The following TACC1 variants were observed in gnomAD, a reference collection of about 807,000 sequenced individuals.
TACC1 encodes transforming acidic coiled-coil-containing protein 1.
TACC1 carries 48 observed loss-of-function variants against 84.4 expected under a neutral mutation model. The ratio of observed to expected loss-of-function variants is 0.57; its 90% CI spans 0.45 to 0.72. The LOEUF is 0.72. Among genes scored for constraint, TACC1 ranks in the 30% least tolerant of loss-of-function variants. The pLI, the probability that TACC1 is intolerant of heterozygous loss-of-function variation, is 0.00. For synonymous variants in TACC1, 372 were observed against 376.3 expected (o/e 0.99, Z 0.13); for missense variants, 920 against 973.0 (o/e 0.95, Z 0.72).
intron 3 of TACC1, among the ~76,000 whole-genome samples, chr8:38,767,381 G>C (rs547792640): frequency 4.2e-4 from 64 of 152,324 alleles, no homozygotes; most frequent in African/African-American, 1.5e-3. Flanking sequence ...CATAGTAATG[G>C]CACTTGGGAC....
intron 3 of TACC1, among the ~76,000 whole-genome samples, chr8:38,747,078 C>T (rs1327117857): frequency 2.0e-5 from 3 of 152,118 alleles, no homozygotes; most frequent in Non-Finnish European, 4.4e-5. Context: ...AGAAGATACA[C>T]AGATGCCAAA....
intron 2 of TACC1, among the ~76,000 whole-genome samples, chr8:38,791,621 G>A (rs1047026399): frequency 6.6e-6 from 1 of 152,180 alleles, no homozygotes; most frequent in Non-Finnish European, 1.5e-5. Context: ...TTTAATTTCT[G>A]GGACTGGATA....
chr8:38,757,400 C>A, intron 3 of TACC1: 2 of 1,252,120 alleles, frequency 1.6e-6, no homozygotes, highest in South Asian at 1.3e-5. Flanking sequence ...CCGAGACCCA[C>A]GGAGACCGCG....
rs775870393 is a variant in TACC1, at chr8:38,819,595, T to C, written c.351T>C (p.Pro117=). 3 of 1,614,214 alleles carry C rather than the reference T, an allele frequency of 1.9e-6. No individual in the cohort carries two copies. Among genetic ancestry groups the C allele is most frequent in the Admixed American group, 1.7e-5 (1 of 60,028 alleles). Residue 117 remains proline (P), a synonymous_variant, in exon 3 of 13, where the codon CCT becomes CCC. Transcript: ENST00000317827. ...GTTCATCTAAGACTTGTTCTAAACCTTCAGAAAATGAAGTGCCACAGCAGG... is the reference window on the plus strand; with the variant it reads ...GTTCATCTAAGACTTGTTCTAAACCCTCAGAAAATGAAGTGCCACAGCAGG... ...EKCSSKTCSK[P]SENEVPQQAI...
intron 3 of TACC1, among the ~76,000 whole-genome samples, chr8:38,758,875 A>G (rs745969656): frequency 6.6e-6 from 1 of 152,094 alleles, no homozygotes; most frequent in Non-Finnish European, 1.5e-5. Flanking sequence ...TCACACAGCT[A>G]GAAAGTGGTG....
At chr8:38,846,501 G>T in intron 11 of TACC1, 198 bp from the exon 12 acceptor site, 1 of 505,914 alleles carries the variant, frequency 2.0e-6, no homozygotes, top group Non-Finnish European at 3.3e-6. Context: ...TACAAATTTT[G>T]AAGTTGTCTG....
At chr8:38,740,964 G>A (rs544883473) in intron 1 of TACC1, among the ~76,000 whole-genome samples, 3 of 152,092 alleles carry the variant, frequency 2.0e-5, no homozygotes, top group Non-Finnish European at 2.9e-5. Context: ...TCTCTGGCTC[G>A]CGAGTATCCT....
intron 3 of TACC1, among the ~76,000 whole-genome samples, chr8:38,765,781 C>T (rs963047010): frequency 6.6e-6 from 1 of 151,766 alleles, no homozygotes; most frequent in Non-Finnish European, 1.5e-5. Context: ...GGACATATGC[C>T]GAAAAGTCAA....
chr8:38,804,345 G>A (rs1822140860), intron 2 of TACC1, among the ~76,000 whole-genome samples: 1 of 152,014 alleles, frequency 6.6e-6, no homozygotes, highest in African/African-American at 2.4e-5. Flanking sequence ...TGTCACCCAG[G>A]CTGAGTTCAG....
At chr8:38,741,304 C>T (rs60784427) in intron 1 of TACC1, among the ~76,000 whole-genome samples, 30 of 152,080 alleles carry the variant, frequency 2.0e-4, no homozygotes, top group African/African-American at 7.0e-4. Context: ...TACAGGCACC[C>T]GCCACCATGC....
At chr8:38,820,679 T>G in intron 3 of TACC1, 44 bp downstream of exon 3, 2 of 1,559,378 alleles carry the variant, frequency 1.3e-6, no homozygotes, top group Admixed American at 3.6e-5. Flanking sequence ...GTGTCTTGTC[T>G]GTTGAGTTTG....
At chr8:38,836,610 G>A (rs1830287313) in intron 7 of TACC1, among the ~76,000 whole-genome samples, 1 of 152,162 alleles carries the variant, frequency 6.6e-6, no homozygotes, top group South Asian at 2.1e-4. Flanking sequence ...TTATTTTACA[G>A]AGGATATATG....
At chr8:38,787,086 T>G, upstream of TACC1, 6 of 954,660 alleles carry the variant, frequency 6.3e-6, no homozygotes, top group Non-Finnish European at 7.5e-6. Flanking sequence ...GACGCCGCGG[T>G]AGGGGGATCC....
At chr8:38,793,492 C>T (rs1328980701) in intron 2 of TACC1, among the ~76,000 whole-genome samples, 1 of 151,894 alleles carries the variant, frequency 6.6e-6, no homozygotes, top group Non-Finnish European at 1.5e-5. Context: ...TTACTAAAAA[C>T]CATTGCATCA....
chr8:38,735,759 A>G (rs1415985882), intron 1 of TACC1, among the ~76,000 whole-genome samples: 1 of 152,118 alleles, frequency 6.6e-6, no homozygotes, highest in Non-Finnish European at 1.5e-5. Flanking sequence ...CCTCAAGTCA[A>G]AGAGAGAGTG....
chr8:38,783,621 A>C (rs532721204), upstream of TACC1, among the ~76,000 whole-genome samples: 1 of 152,070 alleles, frequency 6.6e-6, no homozygotes, highest in Non-Finnish European at 1.5e-5. Context: ...GAGTTTCACC[A>C]TGTTGGCCAG....
chr8:38,776,153 C>T (rs570042451), intron 3 of TACC1, among the ~76,000 whole-genome samples: 48 of 152,298 alleles, frequency 3.2e-4, no homozygotes, highest in African/African-American at 1.1e-3. Context: ...TAACCTTCAT[C>T]AATATGTAAA....
rs887281060 is a variant in TACC1 at position 38,787,501 on chromosome 8, G to A, written c.-82G>A. The stretch of plus-strand genomic sequence containing the variant: ...AAACGCTTGCTGGCGCCTGTCACCG[G>A]TTCCCTCCATTTTGAAAGGGAAAAA... On this transcript the variant is annotated 5_prime_UTR_variant, in exon 1 of 13. Coordinates refer to ENST00000317827, the MANE Select transcript of TACC1 (RefSeq NM_006283.3). 3.5e-6 allele frequency: 5 copies of A among 1,421,188 alleles called. No individual in the cohort carries two copies. Among genetic ancestry groups the A allele is most frequent in the Non-Finnish European group, 3.7e-6 (4 of 1,091,742 alleles). The allele number at this position is 1,421,188 out of a possible 1,614,324, so 88.0% of individuals were successfully genotyped here.
intron 3 of TACC1, among the ~76,000 whole-genome samples, chr8:38,774,779 G>A (rs886575488): frequency 3.9e-5 from 6 of 152,092 alleles, no homozygotes; most frequent in South Asian, 2.1e-4. Context: ...TTGGGAGGCC[G>A]AGGCGGGCGG....
Sources: allele counts gnomAD v4.1 joint callset (sites outside exome capture counted in the v4.1 genomes callset), GRCh38; gene constraint gnomAD v4.1.1; transcripts MANE v1.5; gene names NCBI Gene and HGNC (gene_info 2026-07-23, HGNC 2026-07-21).